Variants in COL22A1 observed in about 807,000 individuals in gnomAD.
COL22A1 encodes the protein collagen alpha-1(XXII) chain.
In COL22A1, 221 loss-of-function variants were observed where a neutral mutation model predicts 248.9. The ratio of observed to expected loss-of-function variants is 0.89; its 90% CI spans 0.80 to 0.99. COL22A1 has a LOEUF of 0.99. COL22A1 is among the 50% of genes least tolerant of loss of function. The pLI, the probability that COL22A1 is intolerant of heterozygous loss-of-function variation, is 0.00. For missense variants in COL22A1, 2,240 were observed against 2,179.0 expected (o/e 1.03, Z -0.56); for synonymous variants, 891 against 793.4 (o/e 1.12, Z -2.07).
At chr8:138,718,765 A>T (rs1829639712) in intron 27 of COL22A1, among the ~76,000 whole-genome samples, 1 of 152,378 alleles carries the variant, frequency 6.6e-6, no homozygotes, top group Admixed American at 6.5e-5. Flanking sequence ...TGTTTTGAAC[A>T]CAGAGCCTTA....
intron 1 of COL22A1, among the ~76,000 whole-genome samples, chr8:138,904,752 G>A (rs939191306): frequency 1.3e-5 from 2 of 152,144 alleles, no homozygotes; most frequent in African/African-American, 2.4e-5. Context: ...GTCTGGTGAA[G>A]CAATATGTAT....
chr8:138,844,278 G>A (rs1440752364), intron 3 of COL22A1, 120 bp from the exon 4 acceptor site: 3 of 861,436 alleles, frequency 3.5e-6, no homozygotes, highest in Admixed American at 1.8e-5. Context: ...TTCAATGCCT[G>A]GAGAAGATGC....
chr8:138,909,133 A>C (rs1220133999), intron 1 of COL22A1, among the ~76,000 whole-genome samples: 1 of 152,256 alleles, frequency 6.6e-6, no homozygotes, highest in Non-Finnish European at 1.5e-5. Flanking sequence ...AATCACAACG[A>C]AGCTTGTGGC....
intron 44 of COL22A1, among the ~76,000 whole-genome samples, chr8:138,657,823 C>T (rs1051241781): frequency 3.9e-5 from 6 of 152,120 alleles, no homozygotes; most frequent in Admixed American, 6.6e-5. Flanking sequence ...GTTATACAGC[C>T]GATAACTGAC....
intron 45 of COL22A1, among the ~76,000 whole-genome samples, chr8:138,653,069 C>T (rs4075684): frequency 7.0e-4 from 106 of 152,246 alleles, no homozygotes; most frequent in African/African-American, 2.5e-3. Context: ...TTTCAACAAA[C>T]TCAGCTTGTT....
At chr8:138,692,525 A>G (rs910611061) in intron 35 of COL22A1, among the ~76,000 whole-genome samples, 7 of 149,952 alleles carry the variant, frequency 4.7e-5, no homozygotes, top group Admixed American at 1.3e-4. Context: ...TTTGACTGGA[A>G]AATCAGGTAA....
At chr8:138,726,352 C>T (rs1830307639) in intron 23 of COL22A1, among the ~76,000 whole-genome samples, 1 of 151,874 alleles carries the variant, frequency 6.6e-6, no homozygotes, top group Non-Finnish European at 1.5e-5. Flanking sequence ...TAAAAATTAA[C>T]TGGTCATAGG....
chr8:138,635,123 C>T (rs1201260403), intron 48 of COL22A1, 60 bp from the exon 49 acceptor site: 2 of 1,364,078 alleles, frequency 1.5e-6, no homozygotes, highest in Non-Finnish European at 2.0e-6. Flanking sequence ...TTACTTTGTG[C>T]AAATATCAAA....
chr8:138,722,669 C>G (rs1829961956), intron 25 of COL22A1, among the ~76,000 whole-genome samples: 1 of 152,146 alleles, frequency 6.6e-6, no homozygotes, highest in African/African-American at 2.4e-5. Flanking sequence ...GTTACTGCAG[C>G]TGTTTGCAGG....
At chr8:138,749,782 T>C (rs1254739168) in intron 22 of COL22A1, among the ~76,000 whole-genome samples, 1 of 152,132 alleles carries the variant, frequency 6.6e-6, no homozygotes, top group Non-Finnish European at 1.5e-5. Flanking sequence ...TTCCACTCTA[T>C]GGAGGAGGGA....
chr8:138,700,800 T>A (rs888791906), intron 31 of COL22A1, among the ~76,000 whole-genome samples: 1 of 152,022 alleles, frequency 6.6e-6, no homozygotes, highest in Non-Finnish European at 1.5e-5. Context: ...CTGGCTAACA[T>A]GGTGAAACCC....
intron 42 of COL22A1, 72 bp downstream of exon 42, chr8:138,663,633 A>C (rs1564162944): frequency 8.0e-7 from 1 of 1,245,354 alleles, no homozygotes; most frequent in African/African-American, 1.5e-5. Context: ...GGTGCTTCCC[A>C]TTTAAAACTG....
At chr8:138,790,448 T>G in intron 12 of COL22A1, among the ~76,000 whole-genome samples, 1 of 152,172 alleles carries the variant, frequency 6.6e-6, no homozygotes, top group Non-Finnish European at 1.5e-5. Context: ...AGAAGTGTCT[T>G]GTGGTTTCCA....
chr8:138,842,564 G>A (rs1461605917), intron 4 of COL22A1, among the ~76,000 whole-genome samples: 1 of 152,202 alleles, frequency 6.6e-6, no homozygotes, highest in Non-Finnish European at 1.5e-5. Flanking sequence ...GAGCCTCGCT[G>A]GGGATTACCA....
chr8:138,862,759 GT>G (rs55690333), intron 3 of COL22A1, among the ~76,000 whole-genome samples: 12,955 of 145,638 alleles, frequency 0.089, 567 homozygotes, highest in African/African-American at 0.12. Context: ...AAGATACAAG[GT>G]TTTTTTTTTT....
In COL22A1 at chr8:138,685,321, A is replaced by G; in HGVS notation, c.2863-9T>C. 6.2e-7 allele frequency: 1 copy of G among 1,609,830 alleles called. No homozygotes were observed. Among genetic ancestry groups the G allele is most frequent in the Non-Finnish European group, 8.5e-7 (1 of 1,176,556 alleles). ...TCTTCCCCCGCTGCACCCTGGAAAG[A>G]AAAGTAGACATTTCCCAGGGTCAAT... On this transcript the variant is annotated splice_polypyrimidine_tract_variant and intron_variant, in intron 37 of 64. Coordinates refer to ENST00000303045, the MANE Select transcript of COL22A1 (RefSeq NM_152888.3).
intron 37 of COL22A1, among the ~76,000 whole-genome samples, chr8:138,687,683 C>A (rs567948871): frequency 6.6e-6 from 1 of 152,350 alleles, no homozygotes; most frequent in East Asian, 1.9e-4. Context: ...CCCAATTCCT[C>A]AGCTAATCCT....
At chr8:138,819,500 G>A (rs994145533) in intron 7 of COL22A1, among the ~76,000 whole-genome samples, 3 of 150,582 alleles carry the variant, frequency 2.0e-5, no homozygotes, top group African/African-American at 4.9e-5. Context: ...CCAGCAGACT[G>A]GCAAAACAAC....
chr8:138,653,519 G>C (rs1822942390), intron 45 of COL22A1, among the ~76,000 whole-genome samples: 1 of 152,186 alleles, frequency 6.6e-6, no homozygotes, highest in Non-Finnish European at 1.5e-5. Context: ...GACAGCAACA[G>C]AAACCACTCA....
Sources: gnomAD v4.1 joint callset for allele counts (sites outside exome capture counted in the v4.1 genomes callset) on GRCh38, gnomAD v4.1.1 for gene constraint, MANE v1.5 for transcripts, NCBI Gene and HGNC (gene_info 2026-07-23, HGNC 2026-07-21) for gene names.